The following METTL2A variants were observed in gnomAD, a reference collection of about 807,000 sequenced individuals.
METTL2A encodes methyltransferase 2A, tRNA N3-cytidine, also known as tRNA N(3)-cytidine methyltransferase METTL2A.
In METTL2A, 45 loss-of-function variants were observed where a neutral mutation model predicts 49.4. The observed-to-expected ratio is 0.91, with a 90% CI of 0.72 to 1.17. METTL2A has a LOEUF of 1.17. Among genes scored for constraint, METTL2A ranks in the 50% most tolerant of loss-of-function variants. The pLI, the probability that METTL2A is intolerant of heterozygous loss-of-function variation, is 0.00. For missense variants in METTL2A, 361 were observed against 462.2 expected (o/e 0.78, Z 2.01); for synonymous variants, 118 against 167.5 (o/e 0.70, Z 2.28).
intron 7 of METTL2A, 146 bp downstream of exon 7, chr17:62,445,089 A>G (rs12940471): frequency 1.2e-6 from 1 of 806,840 alleles, no homozygotes; most frequent in Non-Finnish European, 1.8e-6. Flanking sequence ...TGGGAGTTGA[A>G]CAATGAGAAC....
At chr17:62,442,574 C>T (rs1165650186) in intron 6 of METTL2A, among the ~76,000 whole-genome samples, 2 of 152,126 alleles carry the variant, frequency 1.3e-5, no homozygotes, top group South Asian at 4.1e-4. Context: ...CCACTGCAAC[C>T]TGACCAAAAC....
At chr17:62,424,124 G>T (rs2070606049) in intron 1 of METTL2A, 95 bp from the exon 2 acceptor site, 3 of 1,591,190 alleles carry the variant, frequency 1.9e-6, no homozygotes, top group South Asian at 2.3e-5. Flanking sequence ...CCTACCCGAG[G>T]CACTCTCCAA....
At chr17:62,430,501 T>C (rs2070657429) in intron 4 of METTL2A, among the ~76,000 whole-genome samples, 1 of 152,164 alleles carries the variant, frequency 6.6e-6, no homozygotes, top group South Asian at 2.1e-4. Context: ...TCTACAAGAG[T>C]GTGCCCTATA....
rs1252266790 is a variant in METTL2A at position 62,450,116 on chromosome 17, T to C, written c.*1387T>C. On this transcript the variant is annotated 3_prime_UTR_variant, in exon 9 of 9. Transcript: ENST00000311506. ...CTCAAAAAAAAAAAAGAAAAGAATTTTCACTTTTTGCAAAATTATCTTTTT... is the reference window on the plus strand; with the variant it reads ...CTCAAAAAAAAAAAAGAAAAGAATTCTCACTTTTTGCAAAATTATCTTTTT... 3 of 152,026 alleles carry C rather than the reference T, an allele frequency of 2.0e-5. No homozygotes were observed. Among genetic ancestry groups the C allele is most frequent in the African/African-American group, 7.2e-5 (3 of 41,388 alleles). 9.4% of individuals were successfully genotyped at this position (152,026 alleles called of 1,614,324 possible). A position where few individuals can be genotyped will look rare whatever the true frequency, so the allele number is the denominator to read the frequency against.
intron 5 of METTL2A, 120 bp downstream of exon 5, chr17:62,435,412 T>G: frequency 7.1e-7 from 1 of 1,402,718 alleles, no homozygotes; most frequent in Non-Finnish European, 1.0e-6. Flanking sequence ...GGTCTAAAAG[T>G]AAAAGATTTA....
chr17:62,436,811 G>A (rs1224819326), intron 5 of METTL2A, among the ~76,000 whole-genome samples: 1 of 152,102 alleles, frequency 6.6e-6, no homozygotes, highest in Admixed American at 6.6e-5. Flanking sequence ...TTTCTCCGTA[G>A]CATGCGATGC....
At chr17:62,438,299 C>T (rs1404331903) in intron 5 of METTL2A, among the ~76,000 whole-genome samples, 3 of 148,448 alleles carry the variant, frequency 2.0e-5, no homozygotes, top group Middle Eastern at 3.7e-3. Flanking sequence ...CCCAGCTACT[C>T]GGGAGGCTGA....
At position 62,448,783 on chromosome 17, in the gene METTL2A, A is replaced by T. The variant is rs910104260; in HGVS notation, c.*54A>T. On this transcript the variant is annotated 3_prime_UTR_variant, in exon 9 of 9. Coordinates refer to ENST00000311506, the MANE Select transcript of METTL2A (RefSeq NM_181725.4). The stretch of plus-strand genomic sequence containing the variant: ...CCCATTGTGTTTCCGGGCTTTTTTA[A>T]AAAAAAAATTGTAGCACTGGGCGTG... 3.7e-6 allele frequency: 6 copies of T among 1,600,594 alleles called. No individual in the cohort carries two copies. In the African/African-American group the frequency reaches 6.8e-5, roughly 18 times the overall value.
At chr17:62,426,116 A>ATAATGACGGATAGGGGCATTC (rs1567733316) in intron 2 of METTL2A, among the ~76,000 whole-genome samples, 183 bp from the exon 3 acceptor site, 25 of 152,214 alleles carry the variant, frequency 1.6e-4, no homozygotes, top group African/African-American at 5.3e-4. Context: ...TAGGGGCATT[A>ATAATGACGGATAGGGGCATTC]GGGTATAATG....
intron 6 of METTL2A, among the ~76,000 whole-genome samples, chr17:62,443,170 C>G (rs2070748008): frequency 6.6e-6 from 1 of 152,128 alleles, no homozygotes; most frequent in Admixed American, 6.6e-5. Context: ...GCCAGGAGCT[C>G]AAGACCAGCT....
chr17:62,439,864 A>G (rs2070727009), intron 5 of METTL2A, among the ~76,000 whole-genome samples: 1 of 152,180 alleles, frequency 6.6e-6, no homozygotes, highest in Non-Finnish European at 1.5e-5. Flanking sequence ...AGAATAAAGA[A>G]TAAAAGTAGG....
intron 7 of METTL2A, among the ~76,000 whole-genome samples, chr17:62,445,876 G>C (rs1050578050): frequency 1.3e-5 from 2 of 151,892 alleles, no homozygotes; most frequent in African/African-American, 4.8e-5. Flanking sequence ...AATGTAAAAG[G>C]CAAATGACGG....
intron 5 of METTL2A, among the ~76,000 whole-genome samples, chr17:62,436,786 T>C (rs2144145796): frequency 6.6e-6 from 1 of 152,234 alleles, no homozygotes; most frequent in African/African-American, 2.4e-5. Flanking sequence ...ATTTGGCTCT[T>C]CCTTTCATGA....
In METTL2A at chr17:62,436,674, A is replaced by T. The variant is rs186271316; in HGVS notation, c.669+1382A>T. ...CTTGCCTTGATATTGATGGCTGCTGACTGATCAGGGTGGTGATTGCCAAGG... is the reference window on the plus strand; with the variant it reads ...CTTGCCTTGATATTGATGGCTGCTGTCTGATCAGGGTGGTGATTGCCAAGG... On this transcript the variant is annotated intron_variant, in intron 5 of 8. Transcript: ENST00000311506. Among the ~76,000 whole-genome samples, 180 of 152,224 alleles carry T rather than the reference A, an allele frequency of 1.2e-3. 1 individual carries two copies. The highest frequency in any genetic ancestry group is 4.1e-3 in the African/African-American group (170 of 41,560).
rs550446748 is a variant in METTL2A, at chr17:62,447,550, G to T, written c.917-151G>T. The T allele has an allele frequency of 2.2e-5, 17 of 763,086 alleles. No individual in the cohort carries two copies. In the African/African-American group the frequency reaches 2.4e-4, roughly 11 times the overall value. The allele number at this position is 763,086 out of a possible 1,614,324, so 47.3% of individuals were successfully genotyped here. On this transcript the variant is annotated intron_variant, in intron 7 of 8. Coordinates refer to ENST00000311506, the MANE Select transcript of METTL2A (RefSeq NM_181725.4). ...TAGGAACGTCATGTTTTCTGACATTGTGACTTACTCCTGTTGAGCTGCTCT... is the reference window on the plus strand; with the variant it reads ...TAGGAACGTCATGTTTTCTGACATTTTGACTTACTCCTGTTGAGCTGCTCT...
chr17:62,432,976 T>A lies in METTL2A; in HGVS notation c.609-2256T>A, dbSNP rs111403005. Among the ~76,000 whole-genome samples, 709 of 152,308 alleles carry A rather than the reference T, an allele frequency of 4.7e-3. 5 individuals carry two copies. The highest frequency in any genetic ancestry group is 0.016 in the African/African-American group (670 of 41,566). ...AATCAATCAATAATACAACAATTTT[T>A]AAAAATATAACTGTTTACATAGCAT... On this transcript the variant is annotated intron_variant, in intron 4 of 8. Transcript: ENST00000311506.
In METTL2A at chr17:62,424,109, G is replaced by A. The variant is rs2144131314; in HGVS notation, c.110+97G>A. 7 of 1,582,538 alleles carry A rather than the reference G, an allele frequency of 4.4e-6. No homozygotes were observed. The South Asian group carries it at 8.0e-5, about 18-fold the overall frequency. On this transcript the variant is annotated intron_variant, in intron 1 of 8. Transcript: ENST00000311506. ...CCCCTGACCGCCGGCCACGAGTCAA[G>A]CTGCCCTACCCGAGGCACTCTCCAA... is the stretch of plus-strand genomic sequence containing the variant.
rs776567245 is a variant in METTL2A at position 62,424,235 on chromosome 17, T to A, written c.127T>A (p.Ser43Thr). The change falls in exon 2 of 9, where the codon TCG becomes ACG. Residue 43 changes from serine (S) to threonine (T), a missense_variant. This residue lies in a region of METTL2A where 150 missense variants were observed against 170.1 expected (regional missense o/e 0.88). Transcript: ENST00000311506. Reference sequence around the variant, plus strand: ...TTTTCTCAGGGACAATGTGGAGTGGTCGGAAGAGCAAGCCGCGGCGGCGGA... The same window carrying A: ...TTTTCTCAGGGACAATGTGGAGTGGACGGAAGAGCAAGCCGCGGCGGCGGA... ...HHNAWDNVEW[S>T]EEQAAAAERK... 6.2e-7 allele frequency: 1 copy of A among 1,614,016 alleles called. No individual in the cohort carries two copies. The highest frequency in any genetic ancestry group is 1.7e-5 in the Admixed American group (1 of 60,004).
intron 6 of METTL2A, among the ~76,000 whole-genome samples, chr17:62,444,304 C>T (rs2070754928): frequency 6.6e-6 from 1 of 152,178 alleles, no homozygotes; most frequent in Non-Finnish European, 1.5e-5. Context: ...GAGACAAAGT[C>T]TCAGTTACTC....
Sources: allele counts gnomAD v4.1 joint callset (sites outside exome capture counted in the v4.1 genomes callset), GRCh38; gene constraint gnomAD v4.1.1; regional missense constraint gnomAD v4.1.1; transcripts MANE v1.5; gene names NCBI Gene and HGNC (gene_info 2026-07-23, HGNC 2026-07-21).